Variants in GABRG1 observed in about 807,000 individuals in gnomAD.
GABRG1 encodes gamma-aminobutyric acid type A receptor subunit gamma1, also known as gamma-aminobutyric acid receptor subunit gamma-1.
In GABRG1, 49 loss-of-function variants were observed where a neutral mutation model predicts 49.8. That is an observed-to-expected ratio of 0.98 (90% CI 0.78 to 1.25). GABRG1 has a LOEUF of 1.25. Among genes scored for constraint, GABRG1 ranks in the 50% most tolerant of loss-of-function variants. The pLI is 0.00. For synonymous variants in GABRG1, 232 were observed against 185.1 expected, an observed-to-expected ratio of 1.25 and a Z score of -2.06; for missense variants, 552 against 552.3, an observed-to-expected ratio of 1.00 and a Z score of 0.01.
Position 46,088,799 on chromosome 4 carries a change from G to T in GABRG1, c.254-4746C>A, listed in dbSNP as rs1181701725. On this transcript the variant is annotated intron_variant, in intron 2 of 8. Transcript: ENST00000295452. The stretch of plus-strand genomic sequence containing the variant: ...ATCTATATTTAAATGGCATGTGTGT[G>T]TGTGTTTGTGTGTGTTTGTGTGTGT... Among the ~76,000 whole-genome samples, 7 of 145,614 alleles carry T rather than the reference G, an allele frequency of 4.8e-5. No individual in the cohort carries two copies. In the East Asian group the frequency reaches 1.5e-3, roughly 30 times the overall value.
chr4:46,044,938 C>T (rs1467385755), intron 8 of GABRG1, among the ~76,000 whole-genome samples: 2 of 152,010 alleles, frequency 1.3e-5, no homozygotes, highest in Non-Finnish European at 2.9e-5. Flanking sequence ...TGCCATCATC[C>T]TATCATTTAG....
At chr4:46,120,994 A>G (rs921631963) in intron 1 of GABRG1, among the ~76,000 whole-genome samples, 1 of 151,872 alleles carries the variant, frequency 6.6e-6, no homozygotes, top group Admixed American at 6.6e-5. Context: ...ACTTGTCAAG[A>G]TGCCAAAGAG....
intron 1 of GABRG1, among the ~76,000 whole-genome samples, chr4:46,122,788 T>G (rs928626145): frequency 6.6e-6 from 1 of 152,134 alleles, no homozygotes; most frequent in Non-Finnish European, 1.5e-5. Context: ...TACTTTACTT[T>G]TGAATTCTAT....
At chr4:46,099,845 ACT>A (rs778749932) in intron 1 of GABRG1, among the ~76,000 whole-genome samples, 1 of 151,496 alleles carries the variant, frequency 6.6e-6, no homozygotes, top group Non-Finnish European at 1.5e-5. Flanking sequence ...ATGAAGAAAA[ACT>A]CTGTGAGAAG....
intron 2 of GABRG1, among the ~76,000 whole-genome samples, chr4:46,092,252 C>T (rs974903017): frequency 6.6e-6 from 1 of 151,762 alleles, no homozygotes; most frequent in African/African-American, 2.4e-5. Context: ...CTTTTAAACA[C>T]CTTAAAACAA....
At chr4:46,061,180 T>C (rs1322679656) in intron 5 of GABRG1, among the ~76,000 whole-genome samples, 1 of 152,176 alleles carries the variant, frequency 6.6e-6, no homozygotes, top group Non-Finnish European at 1.5e-5. Flanking sequence ...TATGAACTTT[T>C]CCTTGAGTTC....
chr4:46,079,885 T>C (rs1022342420), intron 3 of GABRG1, among the ~76,000 whole-genome samples: 2 of 151,854 alleles, frequency 1.3e-5, no homozygotes, highest in Non-Finnish European at 2.9e-5. Context: ...GTTATAACCA[T>C]TTTGTCTCAT....
At chr4:46,052,872 A>G (rs1403182858) in intron 7 of GABRG1, among the ~76,000 whole-genome samples, 12 of 151,958 alleles carry the variant, frequency 7.9e-5, no homozygotes, top group Non-Finnish European at 1.5e-4. Flanking sequence ...CCATTGAAAC[A>G]TACCCTAAAA....
rs749809599 is a variant in GABRG1, at chr4:46,065,364, C to T, written c.542G>A (p.Arg181Lys). 2.6e-6 allele frequency: 4 copies of T among 1,559,636 alleles called. No individual in the cohort carries two copies. Among genetic ancestry groups the T allele is most frequent in the Non-Finnish European group, 3.5e-6 (4 of 1,131,354 alleles). ...WNDGRVLYTL[R>K]LTINAECYLQ... The stretch of plus-strand genomic sequence containing the variant: ...CTACAGATTTTTAAACCAATATTAC[C>T]TTAGAGTATACAGAACTCGTCCATC... The change falls in exon 4 of 9, where the codon AGA becomes AAA. Residue 181 changes from arginine (R) to lysine (K), a missense_variant and splice_region_variant. Physicochemically the swap from Arg to Lys is conservative, Grantham distance 26. Coordinates refer to ENST00000295452, the MANE Select transcript of GABRG1 (RefSeq NM_173536.4).
In GABRG1 at chr4:46,056,150, T is replaced by TAAAAAAAAAAAAA. The variant is rs1491407033; in HGVS notation, c.916+2066_916+2067insTTTTTTTTTTTTT. ...AAAAAAAAAAAAATAAATAAATAAA[T>TAAAAAAAAAAAAA]TAAAAAAAAAAAAAAAAAAAAAAAA... is the stretch of plus-strand genomic sequence containing the variant. On this transcript the variant is annotated intron_variant, in intron 7 of 8. Coordinates refer to ENST00000295452, the MANE Select transcript of GABRG1 (RefSeq NM_173536.4). Among the ~76,000 whole-genome samples the TAAAAAAAAAAAAA allele has an allele frequency of 5.0e-4, 23 of 46,070 alleles. 1 individual carries two copies. Among genetic ancestry groups the TAAAAAAAAAAAAA allele is most frequent in the East Asian group, 4.8e-3 (5 of 1,050 alleles). 30.2% of individuals were successfully genotyped at this position (46,070 alleles called of 152,430 possible). A position where few individuals can be genotyped will look rare whatever the true frequency, so the allele number is the denominator to read the frequency against.
chr4:46,123,357 A>C (rs1721152734), intron 1 of GABRG1, among the ~76,000 whole-genome samples: 1 of 152,174 alleles, frequency 6.6e-6, no homozygotes, highest in Admixed American at 6.6e-5. Context: ...ACCAAAAACG[A>C]GGAAAGGGGA....
At chr4:46,077,320 TA>T (rs1471107428) in intron 3 of GABRG1, among the ~76,000 whole-genome samples, 2 of 151,758 alleles carry the variant, frequency 1.3e-5, no homozygotes, top group African/African-American at 2.4e-5. Context: ...AAAATATTTT[TA>T]AAAAAAGTAA....
intron 5 of GABRG1, among the ~76,000 whole-genome samples, chr4:46,062,598 C>T (rs9997391): frequency 0.5 from 76,495 of 151,904 alleles, 19,814 homozygotes; most frequent in African/African-American, 0.62. Context: ...TCACATTCTG[C>T]TTTTGATTTG....
intron 3 of GABRG1, among the ~76,000 whole-genome samples, chr4:46,068,777 C>T (rs1331776321): frequency 1.3e-5 from 2 of 151,852 alleles, no homozygotes; most frequent in African/African-American, 2.4e-5. Flanking sequence ...TGCTCTTGTA[C>T]TTCATGTTCC....
At chr4:46,081,409 A>G (rs1272589635) in intron 3 of GABRG1, among the ~76,000 whole-genome samples, 9 of 151,882 alleles carry the variant, frequency 5.9e-5, no homozygotes, top group Non-Finnish European at 1.5e-5. Flanking sequence ...CACTTATGGC[A>G]TGGCTAGAAT....
At chr4:46,100,477 A>T (rs1445436680) in intron 1 of GABRG1, among the ~76,000 whole-genome samples, 4 of 27,256 alleles carry the variant, frequency 1.5e-4, no homozygotes, top group African/African-American at 7.3e-4. Flanking sequence ...AAATAAAAGT[A>T]AAAAAAAAAT....
chr4:46,113,508 G>C (rs574654055), intron 1 of GABRG1, among the ~76,000 whole-genome samples: 6 of 150,564 alleles, frequency 4.0e-5, no homozygotes, highest in African/African-American at 1.5e-4. Context: ...GAGATTTGGC[G>C]GGGGGGACAT....
intron 5 of GABRG1, among the ~76,000 whole-genome samples, chr4:46,059,532 A>C (rs1718589665): frequency 6.6e-6 from 1 of 151,848 alleles, no homozygotes; most frequent in Non-Finnish European, 1.5e-5. Flanking sequence ...AGACCTATAC[A>C]GGTGCTTGCC....
chr4:46,103,132 G>C (rs1031476883), intron 1 of GABRG1, among the ~76,000 whole-genome samples: 9 of 151,566 alleles, frequency 5.9e-5, no homozygotes, highest in Admixed American at 4.0e-4. Context: ...ACACGGGAGG[G>C]AGCTTCTTCC....
Sources: gnomAD v4.1 joint callset for allele counts (sites outside exome capture counted in the v4.1 genomes callset) on GRCh38, gnomAD v4.1.1 for gene constraint, MANE v1.5 for transcripts, NCBI Gene and HGNC (gene_info 2026-07-23, HGNC 2026-07-21) for gene names.